Variants in CNTN5 observed in about 807,000 individuals in gnomAD.
The protein encoded by CNTN5 is contactin 5, also known as contactin-5.
In CNTN5, 77 loss-of-function variants were observed where a neutral mutation model predicts 129.1. The observed-to-expected ratio is 0.60, with a 90% CI of 0.50 to 0.72. The LOEUF is 0.72. CNTN5 is among the 30% of genes least tolerant of loss of function. The pLI, the probability that CNTN5 is intolerant of heterozygous loss-of-function variation, is 0.00. For missense variants in CNTN5, 1,478 were observed against 1,328.8 expected, an observed-to-expected ratio of 1.11 and a Z score of -1.75; for synonymous variants, 509 against 465.6, an observed-to-expected ratio of 1.09 and a Z score of -1.20.
intron 1 of CNTN5, among the ~76,000 whole-genome samples, chr11:99,196,957 A>G (rs1858933243): frequency 6.6e-6 from 1 of 151,938 alleles, no homozygotes; most frequent in East Asian, 1.9e-4. Flanking sequence ...GTCACAGAAC[A>G]CAGTAAATAC....
intron 9 of CNTN5, among the ~76,000 whole-genome samples, chr11:100,032,598 C>A (rs923296349): frequency 6.6e-6 from 1 of 151,804 alleles, no homozygotes; most frequent in Non-Finnish European, 1.5e-5. Context: ...ACCAGTGCAC[C>A]AAAACATAAT....
chr11:99,517,644 C>T (rs1007737376), intron 2 of CNTN5, among the ~76,000 whole-genome samples: 1 of 152,060 alleles, frequency 6.6e-6, no homozygotes, highest in Non-Finnish European at 1.5e-5. Flanking sequence ...GCTCACCACG[C>T]CCCACCTCAA....
At chr11:99,544,325 T>A (rs1285918736) in intron 2 of CNTN5, among the ~76,000 whole-genome samples, 4 of 152,156 alleles carry the variant, frequency 2.6e-5, no homozygotes, top group Non-Finnish European at 5.9e-5. Flanking sequence ...AACATGAGAT[T>A]TAGAGGTTAC....
chr11:100,126,573 T>A (rs924670645), intron 13 of CNTN5, among the ~76,000 whole-genome samples: 4 of 152,230 alleles, frequency 2.6e-5, no homozygotes, highest in Middle Eastern at 3.4e-3. Context: ...TGGTTTCAAG[T>A]TTGTTTTATC....
At chr11:99,465,958 T>G (rs1481342228) in intron 2 of CNTN5, among the ~76,000 whole-genome samples, 2 of 144,180 alleles carry the variant, frequency 1.4e-5, no homozygotes, top group African/African-American at 5.1e-5. Flanking sequence ...CTCGGCTCAC[T>G]GCAAGCTCCG....
chr11:99,802,443 A>G (rs906034532), intron 3 of CNTN5, among the ~76,000 whole-genome samples: 1 of 152,180 alleles, frequency 6.6e-6, no homozygotes, highest in African/African-American at 2.4e-5. Context: ...ACTGCCATTA[A>G]TAGTGCCGTT....
intron 1 of CNTN5, among the ~76,000 whole-genome samples, chr11:99,211,343 G>C (rs1226454840): frequency 1.3e-5 from 2 of 152,058 alleles, no homozygotes; most frequent in Non-Finnish European, 2.9e-5. Context: ...GTCTAAAACT[G>C]TGTATTAAAA....
At chr11:99,063,964 T>G (rs1864996095) in intron 1 of CNTN5, among the ~76,000 whole-genome samples, 1 of 152,076 alleles carries the variant, frequency 6.6e-6, no homozygotes, top group Non-Finnish European at 1.5e-5. Context: ...AATTTATGTG[T>G]GCCTGAGTGT....
chr11:99,451,349 C>T (rs1048878793), intron 2 of CNTN5, among the ~76,000 whole-genome samples: 1 of 152,008 alleles, frequency 6.6e-6, no homozygotes, highest in Non-Finnish European at 1.5e-5. Context: ...TTCACATTAG[C>T]CGATTCTAAG....
At chr11:100,338,833 A>G (rs1952094587) in intron 21 of CNTN5, among the ~76,000 whole-genome samples, 1 of 151,694 alleles carries the variant, frequency 6.6e-6, no homozygotes, top group South Asian at 2.1e-4. Context: ...GAATGTTAAC[A>G]GTGCTCTCTT....
In CNTN5 at chr11:99,819,670, C is replaced by A. The variant is rs745694465; in HGVS notation, c.182C>A (p.Thr61Lys). 4.3e-6 allele frequency: 7 copies of A among 1,612,834 alleles called. No individual in the cohort carries two copies. The highest frequency in any genetic ancestry group is 5.9e-6 in the Non-Finnish European group (7 of 1,179,820). Residue 61 changes from threonine to lysine, a missense_variant, in exon 4 of 25, where the codon ACA becomes AAA. Thr to Lys is a moderately conservative substitution (Grantham distance 78, BLOSUM62 -1). Transcript: ENST00000524871. ...CGATACAGCAGCCCTTCATTAGGAA[C>A]ACTGAGTGCTTCTTCACCCAGCTGG... ...RPRYSSPSLG[T>K]LSASSPSWLG... is the part of the protein sequence containing the mutation.
chr11:99,620,498 TTTTTC>T (rs1240118934), intron 3 of CNTN5, among the ~76,000 whole-genome samples: 12 of 120,560 alleles, frequency 1.0e-4, no homozygotes, highest in African/African-American at 2.2e-4. Flanking sequence ...TAAAACTCTT[TTTTTC>T]TTTTCTTTTT....
At chr11:99,666,001 G>C (rs1242003546) in intron 3 of CNTN5, among the ~76,000 whole-genome samples, 1 of 151,536 alleles carries the variant, frequency 6.6e-6, no homozygotes, top group Non-Finnish European at 1.5e-5. Flanking sequence ...GTCCTGCTTT[G>C]TTGCCCAGCC....
chr11:100,039,140 A>G (rs1081359), intron 9 of CNTN5, among the ~76,000 whole-genome samples: 51,119 of 152,064 alleles, frequency 0.34, 8,940 homozygotes, highest in East Asian at 0.48. Flanking sequence ...TGCTTCCTTC[A>G]GTAGCTCTTT....
At chr11:99,051,613 G>A (rs1407940746) in intron 1 of CNTN5, among the ~76,000 whole-genome samples, 1 of 151,892 alleles carries the variant, frequency 6.6e-6, no homozygotes, top group Non-Finnish European at 1.5e-5. Context: ...GCATTGTACT[G>A]TGTATTGTAA....
In CNTN5 at chr11:99,708,936, G is replaced by T. The variant is rs192955706; in HGVS notation, c.56-110608G>T. Reference sequence around the variant, plus strand: ...CAGTTTAGAATTTACTGTCAGATTTGATAAGAATCTCCTCACTAATACCTA... The same window carrying T: ...CAGTTTAGAATTTACTGTCAGATTTTATAAGAATCTCCTCACTAATACCTA... On this transcript the variant is annotated intron_variant, in intron 3 of 24. Coordinates refer to ENST00000524871, the MANE Select transcript of CNTN5 (RefSeq NM_014361.4). Among the ~76,000 whole-genome samples the T allele has an allele frequency of 1.3e-4, 20 of 151,892 alleles. No homozygotes were observed. The East Asian group carries it at 3.5e-3, about 27-fold the overall frequency.
chr11:99,657,076 AAAAG>A (rs1486540117), intron 3 of CNTN5, among the ~76,000 whole-genome samples: 2 of 151,858 alleles, frequency 1.3e-5, no homozygotes, highest in African/African-American at 2.4e-5. Context: ...AGAAAAAAAA[AAAAG>A]AGAAAAAAAA....
intron 3 of CNTN5, among the ~76,000 whole-genome samples, chr11:99,699,716 A>C (rs1954435388): frequency 6.6e-6 from 1 of 151,454 alleles, no homozygotes; most frequent in African/African-American, 2.4e-5. Context: ...GCATTTGAAG[A>C]GCTTTAAACA....
chr11:100,241,742 A>T (rs1008891006), intron 16 of CNTN5, among the ~76,000 whole-genome samples: 2 of 152,204 alleles, frequency 1.3e-5, no homozygotes, highest in Admixed American at 6.5e-5. Flanking sequence ...CTTACAATGC[A>T]AATGGAAAAA....
Sources: allele counts gnomAD v4.1 joint callset (sites outside exome capture counted in the v4.1 genomes callset), GRCh38; gene constraint gnomAD v4.1.1; transcripts MANE v1.5; gene names NCBI Gene and HGNC (gene_info 2026-07-23, HGNC 2026-07-21).